Variants in PPIC observed in about 807,000 individuals in gnomAD.
PPIC encodes peptidylprolyl isomerase C, also known as peptidyl-prolyl cis-trans isomerase C.
PPIC carries 19 observed loss-of-function variants against 19.5 expected under a neutral mutation model. The observed-to-expected ratio is 0.98, with a 90% confidence interval of 0.68 to 1.43. PPIC has a LOEUF of 1.43. PPIC is among the 40% of genes most tolerant of loss of function. PPIC has a pLI of 0.00. For synonymous variants in PPIC, 107 were observed against 101.2 expected, an observed-to-expected ratio of 1.06 and a Z score of -0.34; for missense variants, 268 against 268.6, an observed-to-expected ratio of 1.00 and a Z score of 0.02.
intron 3 of PPIC, 142 bp downstream of exon 3, chr5:123,028,633 A>G (rs1172270615): frequency 1.6e-6 from 1 of 626,420 alleles, no homozygotes; most frequent in East Asian, 2.9e-5. Flanking sequence ...TGAGTCCCCA[A>G]AACTCCATCC....
At position 123,025,936 on chromosome 5, in the gene PPIC, C is replaced by G. The variant is rs1222255255; in HGVS notation, c.358G>C (p.Glu120Gln). The stretch of plus-strand genomic sequence containing the variant: ...CCATAGTGCTTCAGCTTGAAGTTCT[C>G]ATCTGGAAATGTCTCACCATAGATG... The part of the protein sequence containing the change: ...VSIYGETFPD[E>Q]NFKLKHYGIG... The change falls in exon 4 of 5, where the codon GAG (glutamate) becomes CAG (glutamine). Residue 120 changes from glutamate to glutamine, a missense_variant. Transcript: ENST00000306442. The G allele has an allele frequency of 6.2e-7, 1 of 1,608,546 alleles. No homozygotes were observed. The highest frequency in any genetic ancestry group is 2.2e-5 in the East Asian group (1 of 44,800).
intron 3 of PPIC, among the ~76,000 whole-genome samples, chr5:123,027,133 G>T (rs562290178): frequency 4.1e-4 from 63 of 152,238 alleles, no homozygotes; most frequent in Non-Finnish European, 5.9e-5. Flanking sequence ...GGCAGAGGTT[G>T]TAGTGAGCCA....
intron 4 of PPIC, among the ~76,000 whole-genome samples, chr5:123,024,769 T>C (rs1433639393): frequency 6.6e-6 from 1 of 152,090 alleles, no homozygotes; most frequent in African/African-American, 2.4e-5. Context: ...TTTATTTACA[T>C]TTGGATGAGG....
chr5:123,034,668 T>G (rs1274835813), intron 1 of PPIC, among the ~76,000 whole-genome samples: 2 of 152,206 alleles, frequency 1.3e-5, no homozygotes, highest in East Asian at 3.9e-4. Flanking sequence ...AAACATTTAT[T>G]CATTGTTAAT....
At chr5:123,024,107 A>G (rs1161851297) in intron 4 of PPIC, 104 bp from the exon 5 acceptor site, 21 of 1,425,378 alleles carry the variant, frequency 1.5e-5, no homozygotes, top group Non-Finnish European at 1.9e-5. Flanking sequence ...GGAAGGAAAT[A>G]AGGTTGGTTG....
chr5:123,028,966 A>G, intron 2 of PPIC, 98 bp from the exon 3 acceptor site: 2 of 1,088,344 alleles, frequency 1.8e-6, no homozygotes, highest in Non-Finnish European at 2.7e-6. Flanking sequence ...AAAATTAAAC[A>G]AAATGCCTAC....
At chr5:123,024,456 G>C (rs562309489) in intron 4 of PPIC, among the ~76,000 whole-genome samples, 3 of 152,160 alleles carry the variant, frequency 2.0e-5, no homozygotes, top group Non-Finnish European at 2.9e-5. Flanking sequence ...AATGGACCTA[G>C]TTCTAGGTTT....
At position 123,023,728 on chromosome 5, in the gene PPIC, T is replaced by A; in HGVS notation, c.*147A>T. ...GCAAACTAAAGGGTGACGGTTTGAT[T>A]TTTATAACTTTCCTGTGATCTGGGA... On this transcript the variant is annotated 3_prime_UTR_variant, in exon 5 of 5. Transcript: ENST00000306442. 1 of 1,260,530 alleles carries A rather than the reference T, an allele frequency of 7.9e-7. No homozygotes were observed. The allele number at this position is 1,260,530 out of a possible 1,614,324, so 78.1% of individuals were successfully genotyped here.
intron 1 of PPIC, among the ~76,000 whole-genome samples, chr5:123,033,206 T>C (rs980585390): frequency 1.3e-5 from 2 of 152,228 alleles, no homozygotes; most frequent in African/African-American, 2.4e-5. Flanking sequence ...ATTAAGAAGA[T>C]AAACACAAAT....
intron 1 of PPIC, among the ~76,000 whole-genome samples, chr5:123,034,120 AAC>A (rs1377916064): frequency 1.3e-5 from 2 of 152,216 alleles, no homozygotes; most frequent in African/African-American, 4.8e-5. Flanking sequence ...GGTAAACAAA[AAC>A]ACTGCTGGGG....
intron 4 of PPIC, among the ~76,000 whole-genome samples, chr5:123,024,637 G>C (rs1310621638): frequency 6.6e-6 from 1 of 152,232 alleles, no homozygotes; most frequent in Non-Finnish European, 1.5e-5. Context: ...CAAGGAACAA[G>C]AAAGTAGGTT....
At chr5:123,025,526 A>C (rs941786867) in intron 4 of PPIC, among the ~76,000 whole-genome samples, 8 of 152,196 alleles carry the variant, frequency 5.3e-5, no homozygotes, top group Non-Finnish European at 1.0e-4. Flanking sequence ...TGGTTCCATT[A>C]AAAAGGGCTT....
At chr5:123,035,720 C>G (rs1401977704) in intron 1 of PPIC, among the ~76,000 whole-genome samples, 2 of 152,206 alleles carry the variant, frequency 1.3e-5, no homozygotes, top group Non-Finnish European at 2.9e-5. Flanking sequence ...TCCCCTCCCT[C>G]TCCCTGCATT....
rs45449493 is a variant in PPIC at position 123,029,387 on chromosome 5, TC to T, written c.148del (p.Asp50MetfsTer6). On this transcript the variant is annotated frameshift_variant, in exon 2 of 5. Coordinates refer to ENST00000306442, the MANE Select transcript of PPIC (RefSeq NM_000943.5). LOFTEE classifies it high-confidence loss of function. Reference protein sequence around the residue: ...VFFDVRIGDKDVGRIVIGLFG... With the variant: ...VFFDVRIGDKXVGRIVIGLFG... ...GAGGCCAATCACAATTCTGCCAACA[TC>T]TTTGTCTCCAATCCTCACATCAAAG... 11,266 of 1,608,244 alleles carry T rather than the reference TC, an allele frequency of 7.0e-3. 56 individuals are homozygous for T. Among genetic ancestry groups the T allele is most frequent in the Middle Eastern group, 8.6e-3 (52 of 6,042 alleles).
At position 123,028,658 on chromosome 5, in the gene PPIC, C is replaced by T. The variant is rs539163000; in HGVS notation, c.325+117G>A. 9 of 746,896 alleles carry T rather than the reference C, an allele frequency of 1.2e-5. No individual in the cohort carries two copies. The East Asian group carries it at 2.3e-4, about 19-fold the overall frequency. 46.3% of individuals were successfully genotyped at this position (746,896 alleles called of 1,614,324 possible). A position where few individuals can be genotyped will look rare whatever the true frequency, so the allele number is the denominator to read the frequency against. On this transcript the variant is annotated intron_variant, in intron 3 of 4. Coordinates refer to ENST00000306442, the MANE Select transcript of PPIC (RefSeq NM_000943.5). ...AAACTCCATCCTTCTCAAAGAGGTA[C>T]AGTCGTCTTTACAACTGTGTTCCTT...
Position 123,025,946 on chromosome 5 carries a change from T to C in PPIC, c.348A>G (p.Thr116=), listed in dbSNP as rs1270522419. The change falls in exon 4 of 5, where the codon ACA becomes ACG. Residue 116 remains threonine (T), a synonymous_variant. Transcript: ENST00000306442. ...TCAGCTTGAAGTTCTCATCTGGAAA[T>C]GTCTCACCATAGATGCTCACACCTG... The part of the protein sequence containing the change: ...GTGGVSIYGE[T]FPDENFKLKH... 1.9e-6 allele frequency: 3 copies of C among 1,606,382 alleles called. No homozygotes were observed. Among genetic ancestry groups the C allele is most frequent in the Non-Finnish European group, 2.5e-6 (3 of 1,177,392 alleles).
intron 3 of PPIC, among the ~76,000 whole-genome samples, chr5:123,027,891 T>G (rs754730151): frequency 6.6e-5 from 10 of 152,236 alleles, no homozygotes; most frequent in Non-Finnish European, 1.5e-4. Flanking sequence ...AAACAGTGTA[T>G]GGAGCTGGAT....
At chr5:123,028,677 G>T in intron 3 of PPIC, 98 bp downstream of exon 3, 1 of 956,686 alleles carries the variant, frequency 1.0e-6, no homozygotes, top group Non-Finnish European at 1.6e-6. Context: ...TTACAACTGT[G>T]TTCCTTAGCT....
In PPIC at chr5:123,028,823, C is replaced by G. The variant is rs1176161560; in HGVS notation, c.277G>C (p.Asp93His). ...ATGTCACCTCCTTGAATCATGAAAT[C>G]CTTGATGACACGATGAAACTTGCTT... ...KGSKFHRVIKDFMIQGGDITT... is the reference protein window; with the variant it reads ...KGSKFHRVIKHFMIQGGDITT... Residue 93 changes from aspartate to histidine, a missense_variant, in exon 3 of 5, where the codon GAT becomes CAT. By Grantham distance (81) the Asp-to-His change is moderately conservative. Transcript: ENST00000306442. 1.9e-6 allele frequency: 3 copies of G among 1,613,782 alleles called. No individual in the cohort carries two copies. The highest frequency in any genetic ancestry group is 2.5e-6 in the Non-Finnish European group (3 of 1,179,652).
Sources: allele counts gnomAD v4.1 joint callset (sites outside exome capture counted in the v4.1 genomes callset), GRCh38; gene constraint gnomAD v4.1.1; transcripts MANE v1.5; gene names NCBI Gene and HGNC (gene_info 2026-07-23, HGNC 2026-07-21).